Variants in BDH2 observed in about 807,000 individuals in gnomAD.
BDH2 encodes the protein 3-hydroxybutyrate dehydrogenase 2.
Under a neutral mutation model 33.2 loss-of-function variants are expected in BDH2, and 24 were observed. That is an observed-to-expected ratio of 0.72 (90% CI 0.52 to 1.02). The LOEUF (loss-of-function observed/expected upper bound fraction) is 1.02, where lower values mean the gene tolerates loss of function less well. Ranked by LOEUF, BDH2 falls within the 50% of genes least tolerant of loss-of-function variation. The pLI, the probability that BDH2 is intolerant of heterozygous loss-of-function variation, is 0.00. For synonymous variants in BDH2, 81 were observed against 101.6 expected (o/e 0.80, Z 1.22); for missense variants, 249 against 301.6 (o/e 0.83, Z 1.29).
Position 103,077,800 on chromosome 4 carries a change from AACTCCTT to A in BDH2, c.*1895_*1901del, listed in dbSNP as rs1366807109. 6.6e-6 allele frequency among the ~76,000 whole-genome samples: 1 copy of A among 152,202 alleles called. No individual in the cohort carries two copies. The highest frequency in any genetic ancestry group is 1.5e-5 in the Non-Finnish European group (1 of 68,032). On this transcript the variant is annotated 3_prime_UTR_variant, in exon 10 of 10. Coordinates refer to ENST00000296424, the MANE Select transcript of BDH2 (RefSeq NM_020139.4). Reference sequence around the variant, plus strand: ...AAAAGAAACCCAAGTCATTTAGCTTAACTCCTTAATTTCATAAACCAGAAAACTAAAA... The same window carrying A: ...AAAAGAAACCCAAGTCATTTAGCTTAAATTTCATAAACCAGAAAACTAAAA...
chr4:103,084,951 C>T (rs1421003133), intron 7 of BDH2, among the ~76,000 whole-genome samples: 1 of 152,142 alleles, frequency 6.6e-6, no homozygotes, highest in Non-Finnish European at 1.5e-5. Context: ...CAAGGGAAAC[C>T]TTGATCCTGG....
At chr4:103,091,846 T>C in intron 4 of BDH2, 1 of 434,334 alleles carries the variant, frequency 2.3e-6, no homozygotes, top group African/African-American at 2.1e-5. Context: ...TTTAGAATTC[T>C]CAAGGGAAAT....
In BDH2 at chr4:103,089,795, A is replaced by G. The variant is rs542106573; in HGVS notation, c.357+1382T>C. Among the ~76,000 whole-genome samples the G allele has an allele frequency of 3.9e-5, 6 of 152,302 alleles. No homozygotes were observed. In the South Asian group the frequency reaches 1.2e-3, roughly 32 times the overall value. Reference sequence around the variant, plus strand: ...AAAATACATTCGTGTTCCAAATACTATAGTTTCTCATAAACTCCAAATAGG... The same window carrying G: ...AAAATACATTCGTGTTCCAAATACTGTAGTTTCTCATAAACTCCAAATAGG... On this transcript the variant is annotated intron_variant, in intron 5 of 9. Transcript: ENST00000296424.
rs546573207 is a variant in BDH2 at position 103,078,040 on chromosome 4, T to G, written c.*1662A>C. On this transcript the variant is annotated 3_prime_UTR_variant, in exon 10 of 10. Coordinates refer to ENST00000296424, the MANE Select transcript of BDH2 (RefSeq NM_020139.4). ...CCCCATACACAAAGTGTTATCTTTT[T>G]GTTGTCCATTTCAGAATTTTCCATG... Among the ~76,000 whole-genome samples, 2 of 152,356 alleles carry G rather than the reference T, an allele frequency of 1.3e-5. No homozygotes were observed. The highest frequency in any genetic ancestry group is 3.9e-4 in the East Asian group (2 of 5,194).
intron 1 of BDH2, among the ~76,000 whole-genome samples, chr4:103,098,402 T>C (rs530536265): frequency 6.6e-6 from 1 of 152,310 alleles, no homozygotes; most frequent in South Asian, 2.1e-4. Context: ...CTCAAAGCCC[T>C]GCGGGCCTCT....
intron 8 of BDH2, among the ~76,000 whole-genome samples, chr4:103,082,463 A>C (rs2110695325): frequency 6.6e-6 from 1 of 152,318 alleles, no homozygotes; most frequent in African/African-American, 2.4e-5. Flanking sequence ...TACTATCTTA[A>C]CCATTTTAAG....
intron 5 of BDH2, among the ~76,000 whole-genome samples, chr4:103,089,599 A>T (rs1747974382): frequency 6.6e-6 from 1 of 152,210 alleles, no homozygotes; most frequent in Non-Finnish European, 1.5e-5. Context: ...TTTCAGCTCC[A>T]CTGTACTCCA....
Position 103,085,224 on chromosome 4 carries a change from T to C in BDH2, c.532+125A>G, listed in dbSNP as rs548996132. On this transcript the variant is annotated intron_variant, in intron 7 of 9. Transcript: ENST00000296424. ...ATGGCTTTGAGAGTCATTTTATCTG[T>C]TGCAACTATTATACTAAACTCTGCC... is the stretch of plus-strand genomic sequence containing the variant. 26 of 706,454 alleles carry C rather than the reference T, an allele frequency of 3.7e-5. No homozygotes were observed. In the African/African-American group the frequency reaches 4.1e-4, roughly 11 times the overall value. 43.8% of individuals were successfully genotyped at this position (706,454 alleles called of 1,614,324 possible). A position where few individuals can be genotyped will look rare whatever the true frequency, so the allele number is the denominator to read the frequency against.
chr4:103,087,406 T>C (rs939547540), intron 5 of BDH2, among the ~76,000 whole-genome samples: 3 of 152,218 alleles, frequency 2.0e-5, no homozygotes, highest in Non-Finnish European at 4.4e-5. Context: ...TGGAAGCTGA[T>C]GCAGGCTTCA....
chr4:103,088,373 T>C (rs1448305722), intron 5 of BDH2, among the ~76,000 whole-genome samples: 1 of 152,242 alleles, frequency 6.6e-6, no homozygotes, highest in Non-Finnish European at 1.5e-5. Context: ...AATGCAATAT[T>C]ATCTCAGGCA....
intron 3 of BDH2, 71 bp from the exon 4 acceptor site, chr4:103,092,767 G>T (rs1748173608): frequency 2.8e-6 from 3 of 1,083,104 alleles, no homozygotes; most frequent in Non-Finnish European, 4.2e-6. Flanking sequence ...TTTGAAGTGT[G>T]AAGTGTGAAG....
intron 1 of BDH2, among the ~76,000 whole-genome samples, chr4:103,098,456 G>A (rs535772967): frequency 3.9e-5 from 6 of 152,242 alleles, no homozygotes; most frequent in Admixed American, 2.6e-4. Context: ...CTCGCAGACC[G>A]CTGACCCCAG....
chr4:103,081,072 C>G (rs1747501357), intron 9 of BDH2, among the ~76,000 whole-genome samples: 1 of 152,196 alleles, frequency 6.6e-6, no homozygotes. Context: ...CCCTTTCCTT[C>G]CCTCTTCTCA....
At chr4:103,097,094 A>T (rs191831657) in intron 1 of BDH2, among the ~76,000 whole-genome samples, 1 of 151,988 alleles carries the variant, frequency 6.6e-6, no homozygotes, top group African/African-American at 2.4e-5. Flanking sequence ...TCAGATATTC[A>T]TCGAAAAAAA....
At chr4:103,096,741 A>G (rs1006739078) in intron 1 of BDH2, among the ~76,000 whole-genome samples, 1 of 151,984 alleles carries the variant, frequency 6.6e-6, no homozygotes, top group Non-Finnish European at 1.5e-5. Flanking sequence ...GGCTTTCACC[A>G]TGTTGGCCAG....
chr4:103,089,757 G>A (rs889132333), intron 5 of BDH2, among the ~76,000 whole-genome samples: 1 of 151,940 alleles, frequency 6.6e-6, no homozygotes, highest in Non-Finnish European at 1.5e-5. Flanking sequence ...CCTATGCAAA[G>A]GATCTGTCTT....
intron 5 of BDH2, among the ~76,000 whole-genome samples, chr4:103,089,659 G>C (rs772887687): frequency 6.6e-6 from 1 of 152,110 alleles, no homozygotes; most frequent in Non-Finnish European, 1.5e-5. Context: ...GCCTGGTTTT[G>C]CAAATGAGTC....
At chr4:103,091,430 GTATAT>G (rs1163130428) in intron 4 of BDH2, 145 bp from the exon 5 acceptor site, 1 of 582,128 alleles carries the variant, frequency 1.7e-6, no homozygotes, top group Non-Finnish European at 3.1e-6. Context: ...GTATCACTTA[GTATAT>G]TATATTAGTA....
chr4:103,091,523 A>T (rs1748089502), intron 4 of BDH2: 2 of 419,734 alleles, frequency 4.8e-6, no homozygotes, highest in Admixed American at 7.3e-5. Flanking sequence ...TGGTCACCGA[A>T]CATAAGAAGC....
Sources: allele counts gnomAD v4.1 joint callset (sites outside exome capture counted in the v4.1 genomes callset), GRCh38; gene constraint gnomAD v4.1.1; transcripts MANE v1.5; gene names NCBI Gene and HGNC (gene_info 2026-07-23, HGNC 2026-07-21).